CELSR1: variants seen among roughly 807,000 people sequenced by gnomAD.
CELSR1 encodes adhesion G protein-coupled receptor C1.
In CELSR1, 110 loss-of-function variants were observed where a neutral mutation model predicts 249.1. That is an observed-to-expected ratio of 0.44 (90% CI 0.38 to 0.52). CELSR1 has a LOEUF of 0.52. CELSR1 is among the 20% of genes least tolerant of loss of function. CELSR1 has a pLI of 0.00. For synonymous variants in CELSR1, 2,113 were observed against 1,900.0 expected (o/e 1.11, Z -2.92); for missense variants, 4,109 against 4,296.4 (o/e 0.96, Z 1.22).
At chr22:46,418,386 T>A (rs1303600012) in intron 5 of CELSR1, among the ~76,000 whole-genome samples, 1 of 152,136 alleles carries the variant, frequency 6.6e-6, no homozygotes, top group African/African-American at 2.4e-5. Context: ...CTTGGGTGGC[T>A]GAGGTGGAAA....
At position 46,392,161 on chromosome 22, in the gene CELSR1, T is replaced by C. The variant is rs539457920; in HGVS notation, c.5965-345A>G. 2.0e-5 allele frequency among the ~76,000 whole-genome samples: 3 copies of C among 152,328 alleles called. No homozygotes were observed. In the East Asian group the frequency reaches 5.8e-4, roughly 29 times the overall value. ...ATAGCCCTTGGGCGTTTTTTTAAAG[T>C]TGTTTTGAAAAATTAGAAGCCACCT... On this transcript the variant is annotated intron_variant, in intron 14 of 34. Transcript: ENST00000674500.
chr22:46,488,100 GGAGGGGTCC>G lies in CELSR1; in HGVS notation c.3545-23764_3545-23756del, dbSNP rs1052160802. On this transcript the variant is annotated intron_variant, in intron 1 of 34. Coordinates refer to ENST00000674500, the MANE Select transcript of CELSR1 (RefSeq NM_001378328.1). The surrounding 1 kb of genome is among the most constrained non-coding windows in gnomAD (Gnocchi z 4.7). ...GTGTCAAGTACCAGTGGAGGCACGG[GGAGGGGTCC>G]TGCCCTGCACCTCAGTTTCAGGGGA... 2.0e-5 allele frequency among the ~76,000 whole-genome samples: 3 copies of G among 151,770 alleles called. No individual in the cohort carries two copies. The highest frequency in any genetic ancestry group is 7.3e-5 in the African/African-American group (3 of 41,248).
rs1200278461 is a variant in CELSR1, at chr22:46,408,051, C to T, written c.5226+945G>A. ...CAGCCCGATGACAGAAGACAGGGCT[C>T]ATAACTGTTTCTCAAACAAAGTGTC... On this transcript the variant is annotated intron_variant, in intron 9 of 34. Transcript: ENST00000674500. This position sits in a 1 kb window ranked among gnomAD's most constrained non-coding sequence, Gnocchi z 4.6. Among the ~76,000 whole-genome samples the T allele has an allele frequency of 6.6e-6, 1 of 150,464 alleles. No homozygotes were observed. Among genetic ancestry groups the T allele is most frequent in the Non-Finnish European group, 1.5e-5 (1 of 68,034 alleles).
Position 46,385,975 on chromosome 22 carries a change from C to CTTTTTTTTT in CELSR1, c.6739+418_6739+426dup, listed in dbSNP as rs562430150. Among the ~76,000 whole-genome samples, 31 of 137,672 alleles carry CTTTTTTTTT rather than the reference C, an allele frequency of 2.3e-4. 3 individuals carry two copies. Among genetic ancestry groups the CTTTTTTTTT allele is most frequent in the African/African-American group, 3.8e-4 (13 of 34,210 alleles). 90.3% of individuals were successfully genotyped at this position (137,672 alleles called of 152,430 possible). A position where few individuals can be genotyped will look rare whatever the true frequency, so the allele number is the denominator to read the frequency against. ...TACAGGCGTGAGCCACCGCGCCCGGCTTTTTTTTTTTTGAGATGGAGTCTC... is the reference window on the plus strand; with the variant it reads ...TACAGGCGTGAGCCACCGCGCCCGGCTTTTTTTTTTTTTTTTTTTTTGAGATGGAGTCTC... On this transcript the variant is annotated intron_variant, in intron 19 of 34. Coordinates refer to ENST00000674500, the MANE Select transcript of CELSR1 (RefSeq NM_001378328.1).
chr22:46,457,687 C>T (rs1034970758), intron 2 of CELSR1, among the ~76,000 whole-genome samples: 1 of 152,240 alleles, frequency 6.6e-6, no homozygotes, highest in Non-Finnish European at 1.5e-5. Flanking sequence ...GGCCTGGAGC[C>T]CACACTCCCG....
At chr22:46,392,660 G>A (rs2147259000) in intron 14 of CELSR1, among the ~76,000 whole-genome samples, 1 of 152,234 alleles carries the variant, frequency 6.6e-6, no homozygotes, top group African/African-American at 2.4e-5. Context: ...GGGCTCAAGT[G>A]ATCCTCCCAC....
At position 46,412,355 on chromosome 22, in the gene CELSR1, G is replaced by T. The variant is rs998443361; in HGVS notation, c.4612-596C>A. Among the ~76,000 whole-genome samples the T allele has an allele frequency of 1.3e-5, 2 of 152,188 alleles. No individual in the cohort carries two copies. The highest frequency in any genetic ancestry group is 2.9e-5 in the Non-Finnish European group (2 of 68,030). On this transcript the variant is annotated intron_variant, in intron 5 of 34. Transcript: ENST00000674500. The surrounding 1 kb of genome is among the most constrained non-coding windows in gnomAD (Gnocchi z 4.5). ...AAATGAAGTTGCAGCCAACACCCAA[G>T]TCCTGGGGCCCCTCCTGTGAACACC...
At chr22:46,492,587 G>A (rs1186961533) in intron 1 of CELSR1, among the ~76,000 whole-genome samples, 3 of 152,198 alleles carry the variant, frequency 2.0e-5, no homozygotes, top group African/African-American at 7.2e-5. Flanking sequence ...ACTTTGGGAG[G>A]CTGAGGCAGG....
At chr22:46,474,913 C>T (rs952516372) in intron 1 of CELSR1, among the ~76,000 whole-genome samples, 8 of 150,300 alleles carry the variant, frequency 5.3e-5, no homozygotes, top group Admixed American at 3.4e-4. Context: ...AACAGCAAGC[C>T]GCTTCTCCCA....
intron 2 of CELSR1, among the ~76,000 whole-genome samples, chr22:46,456,607 G>A (rs1030288648): frequency 1.4e-5 from 2 of 142,320 alleles, no homozygotes; most frequent in Non-Finnish European, 3.0e-5. Flanking sequence ...AGCTTGCAGT[G>A]AGCCGAGATT....
At chr22:46,515,968 A>C (rs1332947663) in intron 1 of CELSR1, among the ~76,000 whole-genome samples, 1 of 152,234 alleles carries the variant, frequency 6.6e-6, no homozygotes, top group Non-Finnish European at 1.5e-5. Flanking sequence ...CAGGTACTGG[A>C]GAGAATGTGG....
In CELSR1 at chr22:46,423,845, C is replaced by G. The variant is rs187949997; in HGVS notation, c.4611+9548G>C. Reference sequence around the variant, plus strand: ...AAATTAGCCAGGCGTGGTGGTGGTGCGCACCTGTAATCCCAGCTACTTGGG... The same window carrying G: ...AAATTAGCCAGGCGTGGTGGTGGTGGGCACCTGTAATCCCAGCTACTTGGG... On this transcript the variant is annotated intron_variant, in intron 5 of 34. Transcript: ENST00000674500. The surrounding 1 kb of genome is among the most constrained non-coding windows in gnomAD (Gnocchi z 5.6). Among the ~76,000 whole-genome samples, 3,377 of 151,578 alleles carry G rather than the reference C, an allele frequency of 0.022. 48 individuals are homozygous for G. Among genetic ancestry groups the G allele is most frequent in the Middle Eastern group, 0.034 (10 of 292 alleles).
At position 46,402,792 on chromosome 22, in the gene CELSR1, T is replaced by G. The variant is rs2079222428; in HGVS notation, c.5227-2890A>C. On this transcript the variant is annotated intron_variant, in intron 9 of 34. Transcript: ENST00000674500. The surrounding 1 kb of genome is among the most constrained non-coding windows in gnomAD (Gnocchi z 5.0). ...TCAAACGGCCATGTTTAAGTACATG[T>G]AAGAAGAATCAGAAAACAAGGTTGT... is the stretch of plus-strand genomic sequence containing the variant. Among the ~76,000 whole-genome samples the G allele has an allele frequency of 2.0e-5, 3 of 152,072 alleles. No homozygotes were observed. Among genetic ancestry groups the G allele is most frequent in the Non-Finnish European group, 2.9e-5 (2 of 68,014 alleles).
chr22:46,438,370 G>T (rs938249970), intron 3 of CELSR1, among the ~76,000 whole-genome samples: 2 of 152,058 alleles, frequency 1.3e-5, no homozygotes, highest in Non-Finnish European at 2.9e-5. Flanking sequence ...CCCCAACCCG[G>T]CCCCTCACAG....
At position 46,423,313 on chromosome 22, in the gene CELSR1, C is replaced by A. The variant is rs1186663987; in HGVS notation, c.4611+10080G>T. Among the ~76,000 whole-genome samples the A allele has an allele frequency of 6.6e-6, 1 of 152,180 alleles. No individual in the cohort carries two copies. Among genetic ancestry groups the A allele is most frequent in the Non-Finnish European group, 1.5e-5 (1 of 68,036 alleles). ...TCACCAGGAATAATAAATATCTGATCAAGACTCCATGCTGGCCAGGCGCGG... is the reference window on the plus strand; with the variant it reads ...TCACCAGGAATAATAAATATCTGATAAAGACTCCATGCTGGCCAGGCGCGG... On this transcript the variant is annotated intron_variant, in intron 5 of 34. Coordinates refer to ENST00000674500, the MANE Select transcript of CELSR1 (RefSeq NM_001378328.1). The surrounding 1 kb of genome is among the most constrained non-coding windows in gnomAD (Gnocchi z 5.6).
Position 46,397,607 on chromosome 22 carries a change from C to A in CELSR1, c.5701+67G>T, listed in dbSNP as rs957755315. 18 of 1,340,106 alleles carry A rather than the reference C, an allele frequency of 1.3e-5. No individual in the cohort carries two copies. The African/African-American group carries it at 2.3e-4, about 17-fold the overall frequency. The allele number at this position is 1,340,106 out of a possible 1,614,324, so 83.0% of individuals were successfully genotyped here. ...GGGGACGCTAATGTCTAAACTGAGCCCCCCTCCTGTGTTTCAGCCATAAGA... is the reference window on the plus strand; with the variant it reads ...GGGGACGCTAATGTCTAAACTGAGCACCCCTCCTGTGTTTCAGCCATAAGA... On this transcript the variant is annotated intron_variant, in intron 12 of 34. Coordinates refer to ENST00000674500, the MANE Select transcript of CELSR1 (RefSeq NM_001378328.1).
intron 2 of CELSR1, among the ~76,000 whole-genome samples, chr22:46,460,848 G>A (rs2080018044): frequency 6.6e-6 from 1 of 152,218 alleles, no homozygotes; most frequent in African/African-American, 2.4e-5. Context: ...ACTTCTCTAA[G>A]GCCAAAATGG....
chr22:46,527,146 A>G lies in CELSR1; in HGVS notation c.3544+6481T>C, dbSNP rs1386067665. Among the ~76,000 whole-genome samples the G allele has an allele frequency of 6.6e-6, 1 of 152,150 alleles. No homozygotes were observed. Among genetic ancestry groups the G allele is most frequent in the Non-Finnish European group, 1.5e-5 (1 of 68,016 alleles). On this transcript the variant is annotated intron_variant, in intron 1 of 34. Transcript: ENST00000674500. The surrounding 1 kb of genome is among the most constrained non-coding windows in gnomAD (Gnocchi z 5.5). ...GTGGCGACGGTACTTTCCATACCACAGTGTGGCGGCTGGAAAACTGCAAGC... is the reference window on the plus strand; with the variant it reads ...GTGGCGACGGTACTTTCCATACCACGGTGTGGCGGCTGGAAAACTGCAAGC...
At chr22:46,515,446 C>G (rs1230997666) in intron 1 of CELSR1, among the ~76,000 whole-genome samples, 1 of 152,050 alleles carries the variant, frequency 6.6e-6, no homozygotes, top group Non-Finnish European at 1.5e-5. Context: ...ACCTTAAACA[C>G]AAACTCTATG....
Sources: gnomAD v4.1 joint callset for allele counts (sites outside exome capture counted in the v4.1 genomes callset) on GRCh38, gnomAD v4.1.1 for gene constraint, Gnocchi (gnomAD v3.1) non-coding constraint, MANE v1.5 for transcripts, NCBI Gene and HGNC (gene_info 2026-07-23, HGNC 2026-07-21) for gene names.